The following SRGAP3 variants were observed in gnomAD, a reference collection of about 807,000 sequenced individuals.
SRGAP3 encodes the protein SLIT-ROBO Rho GTPase activating protein 3.
SRGAP3 carries 39 observed loss-of-function variants against 121.1 expected under a neutral mutation model. The ratio of observed to expected loss-of-function variants is 0.32; its 90% CI spans 0.25 to 0.42. SRGAP3 has a LOEUF of 0.42. Ranked by LOEUF, SRGAP3 falls within the 10% of genes least tolerant of loss-of-function variation. The pLI is 1.00. For synonymous variants in SRGAP3, 601 were observed against 570.0 expected, an observed-to-expected ratio of 1.05 and a Z score of -0.77; for missense variants, 1,213 against 1,470.6, an observed-to-expected ratio of 0.82 and a Z score of 2.86.
chr3:9,303,095 A>ATTTGTTTG (rs35901747), intron 3 of SRGAP3, among the ~76,000 whole-genome samples: 16 of 151,358 alleles, frequency 1.1e-4, no homozygotes, highest in Admixed American at 3.3e-4. Context: ...TTTCCTTTAC[A>ATTTGTTTG]TTTGTTTGTT....
chr3:9,274,517 C>G (rs1954535193), intron 3 of SRGAP3, among the ~76,000 whole-genome samples: 2 of 152,286 alleles, frequency 1.3e-5, no homozygotes, highest in African/African-American at 4.8e-5. Flanking sequence ...TGCCTGTGAC[C>G]CCTGAAGCCC....
chr3:9,019,199 G>C (rs1233510634), intron 14 of SRGAP3, among the ~76,000 whole-genome samples: 1 of 152,194 alleles, frequency 6.6e-6, no homozygotes, highest in Non-Finnish European at 1.5e-5. Context: ...TATGCACAGA[G>C]GCAGATTTCT....
chr3:9,153,257 T>C (rs1404907355), intron 1 of SRGAP3, among the ~76,000 whole-genome samples: 1 of 152,208 alleles, frequency 6.6e-6, no homozygotes, highest in Non-Finnish European at 1.5e-5. Context: ...TTGCAAATAA[T>C]AACAATAATA....
intron 3 of SRGAP3, among the ~76,000 whole-genome samples, chr3:9,313,987 C>A (rs986742729): frequency 6.6e-6 from 1 of 152,152 alleles, no homozygotes; most frequent in African/African-American, 2.4e-5. Context: ...AGTGAGACTC[C>A]GTCTAAAAAG....
intron 3 of SRGAP3, among the ~76,000 whole-genome samples, chr3:9,081,020 T>C (rs1947219811): frequency 6.6e-6 from 1 of 152,010 alleles, no homozygotes; most frequent in Non-Finnish European, 1.5e-5. Flanking sequence ...CATGGAAAAA[T>C]TGTCTTCCAC....
Position 8,985,661 on chromosome 3 carries a change from C to A in SRGAP3, c.3158G>T (p.Arg1053Leu). Residue 1053 changes from arginine (R) to leucine (L), a missense_variant, in exon 22 of 22, where the codon CGC becomes CTC. By Grantham distance (102) the Arg-to-Leu change is moderately radical (BLOSUM62 -2). Coordinates refer to ENST00000383836, the MANE Select transcript of SRGAP3 (RefSeq NM_014850.4). The surrounding 1 kb of genome is among the most constrained non-coding windows in gnomAD (Gnocchi z 5.1). ...LSARLAGAQL[R>L]PPPMRPVRPV... The stretch of plus-strand genomic sequence containing the variant: ...CCGCACGGGCCGCATGGGGGGCGGG[C>A]GGAGCTGGGCGCCAGCCAGGCGGGC... 1 of 1,595,764 alleles carries A rather than the reference C, an allele frequency of 6.3e-7. No individual in the cohort carries two copies. The highest frequency in any genetic ancestry group is 8.5e-7 in the Non-Finnish European group (1 of 1,178,184).
chr3:9,234,836 C>A (rs1953347835), intron 1 of SRGAP3, among the ~76,000 whole-genome samples: 1 of 152,176 alleles, frequency 6.6e-6, no homozygotes, highest in Non-Finnish European at 1.5e-5. Context: ...CAGGTACCAG[C>A]AGGGAGGGTC....
intron 1 of SRGAP3, among the ~76,000 whole-genome samples, chr3:9,334,302 C>A (rs1401032997): frequency 1.3e-5 from 2 of 152,076 alleles, no homozygotes; most frequent in African/African-American, 4.8e-5. Context: ...CAGCCAGGTC[C>A]TGTGCTAGAG....
At chr3:9,167,066 T>C (rs949941589) in intron 1 of SRGAP3, among the ~76,000 whole-genome samples, 2 of 152,182 alleles carry the variant, frequency 1.3e-5, no homozygotes, top group Admixed American at 1.3e-4. Flanking sequence ...CTCGGGCTCT[T>C]AATCCTTCTG....
chr3:9,144,300 T>C (rs1055714320), intron 1 of SRGAP3, among the ~76,000 whole-genome samples: 4 of 152,244 alleles, frequency 2.6e-5, no homozygotes, highest in Admixed American at 1.3e-4. Context: ...TCTTGTCCCA[T>C]TTGCTCTTTG....
chr3:9,044,761 C>T (rs546021132), intron 10 of SRGAP3, among the ~76,000 whole-genome samples: 2 of 152,328 alleles, frequency 1.3e-5, no homozygotes, highest in African/African-American at 4.8e-5. Flanking sequence ...AAAGGTGAAT[C>T]ACCAGTTGAC....
At chr3:9,115,613 T>C (rs1948777222) in intron 2 of SRGAP3, among the ~76,000 whole-genome samples, 1 of 151,934 alleles carries the variant, frequency 6.6e-6, no homozygotes, top group Admixed American at 6.6e-5. Context: ...AGGCTGAGCC[T>C]CCTATGTTAA....
At chr3:9,181,076 CA>C (rs1450475649) in intron 1 of SRGAP3, among the ~76,000 whole-genome samples, 3 of 152,192 alleles carry the variant, frequency 2.0e-5, no homozygotes, top group Non-Finnish European at 4.4e-5. Flanking sequence ...AAGCCTCAAG[CA>C]AAATCACTTC....
At chr3:9,297,039 C>G (rs1047162719) in intron 3 of SRGAP3, among the ~76,000 whole-genome samples, 1 of 152,134 alleles carries the variant, frequency 6.6e-6, no homozygotes, top group East Asian at 1.9e-4. Context: ...TGTGCACCAC[C>G]GCACCCAGCT....
intron 1 of SRGAP3, among the ~76,000 whole-genome samples, chr3:9,164,453 C>T (rs548801923): frequency 5.9e-5 from 9 of 152,098 alleles, no homozygotes; most frequent in African/African-American, 2.2e-4. Context: ...CCATGTCCCG[C>T]TAATTTTTGT....
At chr3:8,991,827 G>C (rs1168509980) in intron 20 of SRGAP3, among the ~76,000 whole-genome samples, 1 of 152,224 alleles carries the variant, frequency 6.6e-6, no homozygotes, top group African/African-American at 2.4e-5. Flanking sequence ...AAGCTAAGCA[G>C]TGCTTGTGGG....
At chr3:9,088,349 C>T (rs745457392) in intron 3 of SRGAP3, among the ~76,000 whole-genome samples, 32 of 152,162 alleles carry the variant, frequency 2.1e-4, no homozygotes, top group African/African-American at 7.7e-4. Flanking sequence ...CTGTCTTTCA[C>T]GCTCAAATAA....
At chr3:9,148,461 T>C (rs1160514715) in intron 1 of SRGAP3, among the ~76,000 whole-genome samples, 2 of 152,210 alleles carry the variant, frequency 1.3e-5, no homozygotes. Flanking sequence ...AACCATCTCA[T>C]CTGGGGAGAC....
intron 2 of SRGAP3, among the ~76,000 whole-genome samples, chr3:9,108,120 T>A (rs550613299): frequency 4.6e-4 from 70 of 152,248 alleles, no homozygotes; most frequent in African/African-American, 1.5e-3. Context: ...TGGGGGAGAC[T>A]GCCAGACTAA....
Sources: allele counts gnomAD v4.1 joint callset (sites outside exome capture counted in the v4.1 genomes callset), GRCh38; gene constraint gnomAD v4.1.1; non-coding constraint Gnocchi (gnomAD v3.1); transcripts MANE v1.5; gene names NCBI Gene and HGNC (gene_info 2026-07-23, HGNC 2026-07-21).